Variants in ATP8A1 observed in about 807,000 individuals in gnomAD.
ATP8A1 encodes the protein ATPase phospholipid transporting 8A1, also known as phospholipid-transporting ATPase IA.
A neutral mutation model predicts 177.7 loss-of-function variants in ATP8A1; 90 were observed. The observed-to-expected ratio is 0.51, with a 90% CI of 0.43 to 0.60. ATP8A1 has a LOEUF of 0.60. ATP8A1 is among the 20% of genes least tolerant of loss of function. The pLI, the probability that ATP8A1 is intolerant of heterozygous loss-of-function variation, is 0.00. For synonymous variants in ATP8A1, 493 were observed against 485.9 expected, an observed-to-expected ratio of 1.01 and a Z score of -0.19; for missense variants, 1,072 against 1,392.8, an observed-to-expected ratio of 0.77 and a Z score of 3.67.
chr4:42,507,787 A>AC (rs1183707685), intron 22 of ATP8A1, among the ~76,000 whole-genome samples: 2 of 129,910 alleles, frequency 1.5e-5, no homozygotes, highest in South Asian at 2.8e-4. Flanking sequence ...TTCTAAAAAA[A>AC]AAAAAAAAAA....
At chr4:42,558,366 T>C (rs1420175226) in intron 15 of ATP8A1, among the ~76,000 whole-genome samples, 2 of 152,160 alleles carry the variant, frequency 1.3e-5, no homozygotes, top group Non-Finnish European at 2.9e-5. Context: ...AAGGAGACAA[T>C]GACGTTATGG....
At chr4:42,581,451 A>C (rs1733066602) in intron 10 of ATP8A1, among the ~76,000 whole-genome samples, 170 bp downstream of exon 10, 1 of 152,124 alleles carries the variant, frequency 6.6e-6, no homozygotes, top group East Asian at 1.9e-4. Flanking sequence ...TCTTATAGGG[A>C]GGTAATTTCA....
intron 1 of ATP8A1, among the ~76,000 whole-genome samples, chr4:42,635,782 C>CACATATAT (rs1553920597): frequency 7.7e-5 from 4 of 51,982 alleles, no homozygotes; most frequent in African/African-American, 1.2e-4. Context: ...CACACACACA[C>CACATATAT]ATATATATAT....
At chr4:42,649,963 C>CATT (rs1413144150) in intron 1 of ATP8A1, among the ~76,000 whole-genome samples, 4 of 152,138 alleles carry the variant, frequency 2.6e-5, no homozygotes. Flanking sequence ...AGAATACAAT[C>CATT]ATTGGAAGGT....
intron 27 of ATP8A1, among the ~76,000 whole-genome samples, chr4:42,463,320 C>T (rs1719370535): frequency 6.6e-6 from 1 of 152,086 alleles, no homozygotes; most frequent in South Asian, 2.1e-4. Context: ...GTGATGTTCT[C>T]GTGATAGTGA....
chr4:42,533,432 C>G (rs1727478464), intron 20 of ATP8A1, among the ~76,000 whole-genome samples: 1 of 152,058 alleles, frequency 6.6e-6, no homozygotes, highest in Non-Finnish European at 1.5e-5. Flanking sequence ...CAGCCATAAT[C>G]CCCCTGGGAA....
intron 22 of ATP8A1, among the ~76,000 whole-genome samples, chr4:42,516,858 A>G (rs760249226): frequency 3.3e-5 from 5 of 152,240 alleles, no homozygotes; most frequent in Non-Finnish European, 7.3e-5. Context: ...CAGACCAAAA[A>G]GAAGTGATAT....
At position 42,451,062 on chromosome 4, in the gene ATP8A1, T is replaced by C. The variant is rs1187382596; in HGVS notation, c.2896+919A>G. Among the ~76,000 whole-genome samples, 3 of 152,070 alleles carry C rather than the reference T, an allele frequency of 2.0e-5. No individual in the cohort carries two copies. In the East Asian group the frequency reaches 5.8e-4, roughly 29 times the overall value. On this transcript the variant is annotated intron_variant, in intron 30 of 36. Transcript: ENST00000381668. ...TATCTGTGAAGAATGGGGAACAATT[T>C]GGAGGTGGAGGATTTTGTTCTAAGT...
At chr4:42,574,907 TA>T (rs1338333813) in intron 13 of ATP8A1, among the ~76,000 whole-genome samples, 200 bp from the exon 14 acceptor site, 3 of 152,196 alleles carry the variant, frequency 2.0e-5, no homozygotes, top group African/African-American at 7.2e-5. Context: ...ATATGAATAT[TA>T]AAGACTATCA....
intron 1 of ATP8A1, among the ~76,000 whole-genome samples, chr4:42,656,561 G>C (rs1245047172): frequency 2.0e-5 from 3 of 152,132 alleles, no homozygotes; most frequent in Admixed American, 6.5e-5. Flanking sequence ...CTCAGTGACT[G>C]GGACCTAATG....
intron 4 of ATP8A1, 82 bp downstream of exon 4, chr4:42,624,454 A>G: frequency 1.4e-6 from 1 of 740,542 alleles, no homozygotes; most frequent in Non-Finnish European, 2.1e-6. Context: ...GCCAAGAATT[A>G]AATAATTTAA....
At chr4:42,438,803 A>T (rs1187096881) in intron 33 of ATP8A1, among the ~76,000 whole-genome samples, 1 of 152,188 alleles carries the variant, frequency 6.6e-6, no homozygotes, top group African/African-American at 2.4e-5. Context: ...ATTGAAAAGA[A>T]TGACCTGGGT....
At chr4:42,528,097 G>A (rs1726881611) in intron 20 of ATP8A1, among the ~76,000 whole-genome samples, 1 of 152,138 alleles carries the variant, frequency 6.6e-6, no homozygotes, top group South Asian at 2.1e-4. Context: ...GTTTATGGTG[G>A]TCAGGTAATT....
chr4:42,534,676 T>A (rs892535445), intron 20 of ATP8A1, among the ~76,000 whole-genome samples: 1 of 151,928 alleles, frequency 6.6e-6, no homozygotes, highest in African/African-American at 2.4e-5. Flanking sequence ...GAGAAATACA[T>A]CACAAAAAGA....
chr4:42,480,040 T>C (rs80337489), intron 25 of ATP8A1, among the ~76,000 whole-genome samples: 6,294 of 76,702 alleles, frequency 0.082, 170 homozygotes, highest in South Asian at 0.12. Flanking sequence ...GTACTGGTGA[T>C]GGTGGCAATG....
chr4:42,546,703 C>T (rs1560443696), intron 19 of ATP8A1, among the ~76,000 whole-genome samples: 1 of 152,142 alleles, frequency 6.6e-6, no homozygotes, highest in Non-Finnish European at 1.5e-5. Context: ...CCTTCATTCC[C>T]AGTCTTTTCC....
chr4:42,586,546 T>G, intron 8 of ATP8A1, 70 bp from the exon 9 acceptor site: 1 of 1,438,082 alleles, frequency 7.0e-7, no homozygotes, highest in Non-Finnish European at 9.6e-7. Context: ...GGAGGAATTT[T>G]GAATTCATCC....
intron 25 of ATP8A1, among the ~76,000 whole-genome samples, chr4:42,480,007 T>TGTGTGTGTGA (rs1273919712): frequency 4.7e-5 from 7 of 149,556 alleles, no homozygotes; most frequent in Non-Finnish European, 1.0e-4. Context: ...TGTGTGTGTG[T>TGTGTGTGTGA]GTGTGTGTGT....
At chr4:42,638,667 T>A (rs1487067914) in intron 1 of ATP8A1, among the ~76,000 whole-genome samples, 2 of 152,210 alleles carry the variant, frequency 1.3e-5, no homozygotes, top group Non-Finnish European at 2.9e-5. Flanking sequence ...TAATGACATC[T>A]CCTTGGGAAT....
Sources: gnomAD v4.1 joint callset for allele counts (sites outside exome capture counted in the v4.1 genomes callset) on GRCh38, gnomAD v4.1.1 for gene constraint, MANE v1.5 for transcripts, NCBI Gene and HGNC (gene_info 2026-07-23, HGNC 2026-07-21) for gene names.